The following RAB3C variants were observed in gnomAD, a reference collection of about 807,000 sequenced individuals.
RAB3C encodes the protein RAB3C, member RAS oncogene family, also known as ras-related protein Rab-3C.
Under a neutral mutation model 26.4 loss-of-function variants are expected in RAB3C, and 17 were observed. The ratio of observed to expected loss-of-function variants is 0.64; its 90% CI spans 0.44 to 0.97. The LOEUF (loss-of-function observed/expected upper bound fraction) is 0.97. Among genes scored for constraint, RAB3C ranks in the 50% least tolerant of loss-of-function variants. The pLI is 0.00. For missense variants in RAB3C, 242 were observed against 281.9 expected, an observed-to-expected ratio of 0.86 and a Z score of 1.01; for synonymous variants, 91 against 95.9, an observed-to-expected ratio of 0.95 and a Z score of 0.30.
chr5:58,735,912 T>C (rs1257815850), intron 3 of RAB3C, among the ~76,000 whole-genome samples: 1 of 152,114 alleles, frequency 6.6e-6, no homozygotes, highest in Non-Finnish European at 1.5e-5. Context: ...CCCTTATTCC[T>C]GATAGAGCTT....
At chr5:58,781,930 A>T (rs1742278323) in intron 3 of RAB3C, among the ~76,000 whole-genome samples, 1 of 152,102 alleles carries the variant, frequency 6.6e-6, no homozygotes, top group African/African-American at 2.4e-5. Context: ...TATATTCTAC[A>T]TAAATTTTTT....
rs778877938 is a variant in RAB3C, at chr5:58,617,561, A to G, written c.25-82A>G. ...ACATCTGTTTCTGGCAAGGCCAATA[A>G]TGAGTATGCTGCTAGCTTCATATCA... On this transcript the variant is annotated intron_variant, in intron 1 of 4. Transcript: ENST00000282878. 3.6e-6 allele frequency: 4 copies of G among 1,119,848 alleles called. No homozygotes were observed. The South Asian group carries it at 4.9e-5, about 14-fold the overall frequency. 69.4% of individuals were successfully genotyped at this position (1,119,848 alleles called of 1,614,324 possible).
intron 3 of RAB3C, among the ~76,000 whole-genome samples, chr5:58,760,270 T>C (rs967219599): frequency 6.6e-6 from 1 of 152,138 alleles, no homozygotes; most frequent in African/African-American, 2.4e-5. Context: ...CATGACCATA[T>C]AGAAAAGTCA....
chr5:58,827,270 G>A (rs2112062256), intron 4 of RAB3C, among the ~76,000 whole-genome samples: 1 of 152,316 alleles, frequency 6.6e-6, no homozygotes, highest in Non-Finnish European at 1.5e-5. Context: ...TCTCTTCCCT[G>A]TCTTCCTGTG....
intron 3 of RAB3C, among the ~76,000 whole-genome samples, chr5:58,799,451 C>T (rs1742752635): frequency 6.6e-6 from 1 of 152,088 alleles, no homozygotes; most frequent in Non-Finnish European, 1.5e-5. Flanking sequence ...CTAGTACATG[C>T]TAGAGCTGAT....
intron 2 of RAB3C, among the ~76,000 whole-genome samples, chr5:58,671,909 C>T (rs145045410): frequency 2.0e-5 from 3 of 151,844 alleles, no homozygotes; most frequent in African/African-American, 4.8e-5. Context: ...TTAAAATACA[C>T]GTAAACAATG....
chr5:58,612,729 G>T (rs1252347038), intron 1 of RAB3C, among the ~76,000 whole-genome samples: 1 of 151,644 alleles, frequency 6.6e-6, no homozygotes, highest in African/African-American at 2.4e-5. Context: ...TTGGGCCAAG[G>T]CTACGGGGTT....
At chr5:58,661,860 G>C (rs17280636) in intron 2 of RAB3C, among the ~76,000 whole-genome samples, 14,988 of 149,182 alleles carry the variant, frequency 0.1, 1,123 homozygotes, top group Non-Finnish European at 0.15. Flanking sequence ...GTTAGAGAAC[G>C]CATGCAAAAC....
chr5:58,850,832 G>A (rs560369423), intron 4 of RAB3C, among the ~76,000 whole-genome samples: 1 of 152,224 alleles, frequency 6.6e-6, no homozygotes, highest in Non-Finnish European at 1.5e-5. Flanking sequence ...TTGGTATTGA[G>A]GATTCTTACT....
chr5:58,739,220 AC>A (rs748163065), intron 3 of RAB3C, among the ~76,000 whole-genome samples: 8 of 152,364 alleles, frequency 5.3e-5, no homozygotes, highest in Non-Finnish European at 1.2e-4. Context: ...ACCTCATGAT[AC>A]ATGTTATTGA....
At chr5:58,671,348 G>C (rs1462616072) in intron 2 of RAB3C, among the ~76,000 whole-genome samples, 1 of 152,124 alleles carries the variant, frequency 6.6e-6, no homozygotes, top group Non-Finnish European at 1.5e-5. Flanking sequence ...TCATACAGTT[G>C]GCAAGAGGCA....
At position 58,807,559 on chromosome 5, in the gene RAB3C, C is replaced by G. The variant is rs62358121; in HGVS notation, c.372-17479C>G. The stretch of plus-strand genomic sequence containing the variant: ...GTGCCTGCTGAGTGAGTTCCTGGCA[C>G]GAGCTGTCTTCCTGGTTTGCAGAGA... On this transcript the variant is annotated intron_variant, in intron 3 of 4. Coordinates refer to ENST00000282878, the MANE Select transcript of RAB3C (RefSeq NM_138453.4). Among the ~76,000 whole-genome samples, 95 of 152,124 alleles carry G rather than the reference C, an allele frequency of 6.2e-4. No homozygotes were observed. The South Asian group carries it at 0.018, about 30-fold the overall frequency.
chr5:58,648,274 TTTTG>T (rs1464755425), intron 2 of RAB3C, among the ~76,000 whole-genome samples: 4 of 152,214 alleles, frequency 2.6e-5, no homozygotes, highest in Admixed American at 6.5e-5. Context: ...GTAGTAATGA[TTTTG>T]TTTATTTACC....
At position 58,859,245 on chromosome 5, in the gene RAB3C, C is replaced by G. The variant is rs910135562; in HGVS notation, c.*7894C>G. The G allele has an allele frequency of 6.6e-6, 1 of 152,148 alleles. No individual in the cohort carries two copies. Among genetic ancestry groups the G allele is most frequent in the Non-Finnish European group, 1.5e-5 (1 of 68,032 alleles). 9.4% of individuals were successfully genotyped at this position (152,148 alleles called of 1,614,324 possible). A position where few individuals can be genotyped will look rare whatever the true frequency, so the allele number is the denominator to read the frequency against. On this transcript the variant is annotated 3_prime_UTR_variant, in exon 5 of 5. Coordinates refer to ENST00000282878, the MANE Select transcript of RAB3C (RefSeq NM_138453.4). ...ATTCACATTGTGAAGTTTTAATTAT[C>G]TTTATTGAAATTAATTGTGTAAAAA...
At chr5:58,815,890 T>G (rs1743205791) in intron 3 of RAB3C, 1 of 152,130 alleles carries the variant, frequency 6.6e-6, no homozygotes, top group Admixed American at 6.5e-5. Context: ...CCTGCATGAG[T>G]GGCAACTAAC....
rs1345789338 is a variant in RAB3C at position 58,735,099 on chromosome 5, TCA to T, written c.371+8982_371+8983del. Among the ~76,000 whole-genome samples the T allele has an allele frequency of 3.9e-5, 6 of 152,178 alleles. No homozygotes were observed. The South Asian group carries it at 1.0e-3, about 26-fold the overall frequency. ...CCACGTTTATTCTATGCGAGGCCCATCACAGTTTTCTTATGCTCAGGAACAGC... is the reference window on the plus strand; with the variant it reads ...CCACGTTTATTCTATGCGAGGCCCATCAGTTTTCTTATGCTCAGGAACAGC... On this transcript the variant is annotated intron_variant, in intron 3 of 4. Transcript: ENST00000282878.
intron 3 of RAB3C, among the ~76,000 whole-genome samples, chr5:58,794,867 G>T (rs1561132499): frequency 6.6e-6 from 1 of 152,208 alleles, no homozygotes; most frequent in Non-Finnish European, 1.5e-5. Flanking sequence ...TACTCCTAGG[G>T]ATTCCCCTTC....
At chr5:58,700,810 T>C (rs932587370) in intron 2 of RAB3C, among the ~76,000 whole-genome samples, 5 of 152,096 alleles carry the variant, frequency 3.3e-5, no homozygotes, top group Non-Finnish European at 5.9e-5. Context: ...CTTGAACCAT[T>C]TCACAATCAT....
intron 3 of RAB3C, among the ~76,000 whole-genome samples, chr5:58,762,069 AT>A (rs1259710437): frequency 2.7e-5 from 4 of 150,374 alleles, no homozygotes; most frequent in East Asian, 3.9e-4. Flanking sequence ...AAAAAAAAAA[AT>A]AGGTAAAATT....
Sources: allele counts gnomAD v4.1 joint callset (sites outside exome capture counted in the v4.1 genomes callset), GRCh38; gene constraint gnomAD v4.1.1; transcripts MANE v1.5; gene names NCBI Gene and HGNC (gene_info 2026-07-23, HGNC 2026-07-21).